Variants in FRAS1 observed in about 807,000 individuals in gnomAD.
The protein encoded by FRAS1 is extracellular matrix organizing protein FRAS1.
A neutral mutation model predicts 435.2 loss-of-function variants in FRAS1; 290 were observed. That is an observed-to-expected ratio of 0.67 (90% confidence interval 0.61 to 0.73). The LOEUF is 0.73. FRAS1 is among the 30% of genes least tolerant of loss of function. The pLI, the probability that FRAS1 is intolerant of heterozygous loss-of-function variation, is 0.00. For missense variants in FRAS1, 4,860 were observed against 5,001.5 expected (o/e 0.97, Z 0.85); for synonymous variants, 1,800 against 1,851.0 (o/e 0.97, Z 0.71).
At chr4:78,372,674 G>A (rs777763479) in intron 23 of FRAS1, 44 bp from the exon 24 acceptor site, 2 of 1,608,066 alleles carry the variant, frequency 1.2e-6, no homozygotes, top group Non-Finnish European at 1.7e-6. Flanking sequence ...TGGGTCTGAG[G>A]GTGGACAGAA....
intron 4 of FRAS1, among the ~76,000 whole-genome samples, chr4:78,247,352 T>C (rs570625115): frequency 2.0e-5 from 3 of 152,308 alleles, no homozygotes; most frequent in East Asian, 1.9e-4. Flanking sequence ...TGGTATTTGA[T>C]GTAACTGAGC....
In FRAS1 at chr4:78,245,253, T is replaced by G. The variant is rs370345916; in HGVS notation, c.237T>G (p.Ala79=). The G allele has an allele frequency of 5.0e-6, 8 of 1,607,890 alleles. No homozygotes were observed. The highest frequency in any genetic ancestry group is 1.3e-5 in the African/African-American group (1 of 74,836). The part of the protein sequence containing the change: ...AFEKGEVLQI[A]ANQCCPECVL... ...CTCAGGGAGAAGTGCTTCAAATAGC[T>G]GCCAACCAATGCTGTCCTGAGTGTG... The change falls in exon 4 of 74, where the codon GCT becomes GCG. Residue 79 remains alanine, a synonymous_variant. Coordinates refer to ENST00000512123, the MANE Select transcript of FRAS1 (RefSeq NM_025074.7).
In FRAS1 at chr4:78,396,610, C is replaced by T. The variant is rs188825447; in HGVS notation, c.3976-4124C>T. On this transcript the variant is annotated intron_variant, in intron 29 of 73. Coordinates refer to ENST00000512123, the MANE Select transcript of FRAS1 (RefSeq NM_025074.7). ...GAGCAATCCACTGATAGCTTTTTGC[C>T]CTTTGCTCTTTCTCTGCTTCATTTG... is the stretch of plus-strand genomic sequence containing the variant. Among the ~76,000 whole-genome samples, 489 of 152,176 alleles carry T rather than the reference C, an allele frequency of 3.2e-3. 4 individuals are homozygous for T. The highest frequency in any genetic ancestry group is 3.6e-3 in the Non-Finnish European group (243 of 67,992).
intron 8 of FRAS1, 29 bp downstream of exon 8, chr4:78,266,964 T>C (rs761157076): frequency 6.8e-7 from 1 of 1,473,612 alleles, no homozygotes; most frequent in African/African-American, 1.4e-5. Flanking sequence ...CTTACTTGTT[T>C]AAGCTCTTTT....
intron 29 of FRAS1, 39 bp from the exon 30 acceptor site, chr4:78,400,695 T>G: frequency 6.3e-7 from 1 of 1,594,412 alleles, no homozygotes; most frequent in South Asian, 1.1e-5. Flanking sequence ...ATATTCTTAC[T>G]TTGCTTGGAA....
At chr4:78,529,289 C>A (rs901783848) in intron 70 of FRAS1, among the ~76,000 whole-genome samples, 5 of 152,084 alleles carry the variant, frequency 3.3e-5, no homozygotes, top group African/African-American at 1.2e-4. Flanking sequence ...GGAAAATAAT[C>A]TGATGGGATA....
chr4:78,450,865 T>C (rs1718997208), intron 45 of FRAS1, among the ~76,000 whole-genome samples: 1 of 152,184 alleles, frequency 6.6e-6, no homozygotes, highest in South Asian at 2.1e-4. Flanking sequence ...ACGTAGTTAC[T>C]GTACAGTGCT....
At chr4:78,439,566 C>T (rs1384250166) in intron 40 of FRAS1, among the ~76,000 whole-genome samples, 6 of 152,092 alleles carry the variant, frequency 3.9e-5, no homozygotes, top group African/African-American at 1.2e-4. Context: ...GACCTTGGGC[C>T]GTACACTTAA....
intron 20 of FRAS1, among the ~76,000 whole-genome samples, chr4:78,342,746 G>A (rs1296942112): frequency 2.0e-5 from 3 of 152,180 alleles, no homozygotes; most frequent in Non-Finnish European, 2.9e-5. Context: ...AATGCTTTGA[G>A]TTTTGTGGAC....
At chr4:78,240,303 A>C (rs1358416431) in intron 3 of FRAS1, among the ~76,000 whole-genome samples, 1 of 152,242 alleles carries the variant, frequency 6.6e-6, no homozygotes, top group Non-Finnish European at 1.5e-5. Context: ...AGAGGCTGAG[A>C]GAATCACCCA....
In FRAS1 at chr4:78,534,604, C is replaced by A. The variant is rs1006648573; in HGVS notation, c.11081C>A (p.Ala3694Asp). The change falls in exon 71 of 74, where the codon GCC becomes GAC. Residue 3694 changes from alanine (A) to aspartate (D), a missense_variant. By Grantham distance (126) the Ala-to-Asp change is moderately radical. Transcript: ENST00000512123. ...MSLAEMDYKG[A>D]FSKGQILYGR... ...CTAGCAGAAATGGATTACAAAGGAG[C>A]CTTTTCAAAAGGTGAGTTGCTTCCT... The A allele has an allele frequency of 8.1e-6, 13 of 1,612,656 alleles. No homozygotes were observed. The highest frequency in any genetic ancestry group is 2.2e-5 in the East Asian group (1 of 44,810).
chr4:78,453,534 C>G (rs1719089490), intron 47 of FRAS1, among the ~76,000 whole-genome samples: 1 of 152,180 alleles, frequency 6.6e-6, no homozygotes, highest in Non-Finnish European at 1.5e-5. Context: ...TGCAGTGGCT[C>G]ACACCTGTAA....
At position 78,496,842 on chromosome 4, in the gene FRAS1, T is replaced by C. The variant is rs765720723; in HGVS notation, c.8996T>C (p.Met2999Thr). 3 of 1,613,834 alleles carry C rather than the reference T, an allele frequency of 1.9e-6. No homozygotes were observed. The South Asian group carries it at 3.3e-5, about 18-fold the overall frequency. The change falls in exon 60 of 74, where the codon ATG becomes ACG. Residue 2999 changes from methionine (M) to threonine (T), a missense_variant. Transcript: ENST00000512123. ...NCTVYIHDDSMFEPEEQFRVY... is the reference protein window; with the variant it reads ...NCTVYIHDDSTFEPEEQFRVY... ...ACGGTCTATATCCACGATGACTCCA[T>C]GTTTGAGCCAGAGGAACAGTTCAGG...
At chr4:78,529,605 C>A (rs549694897) in intron 70 of FRAS1, among the ~76,000 whole-genome samples, 3 of 152,244 alleles carry the variant, frequency 2.0e-5, no homozygotes, top group Non-Finnish European at 4.4e-5. Flanking sequence ...AGTAGTCCCC[C>A]CTTATCCTTG....
intron 2 of FRAS1, among the ~76,000 whole-genome samples, chr4:78,237,104 GA>G (rs1724794314): frequency 6.6e-6 from 1 of 152,102 alleles, no homozygotes; most frequent in African/African-American, 2.4e-5. Context: ...ATCTAGTGGC[GA>G]ATACTGCTTT....
At chr4:78,339,719 T>C (rs1730329364) in intron 20 of FRAS1, among the ~76,000 whole-genome samples, 8 of 152,172 alleles carry the variant, frequency 5.3e-5, no homozygotes, top group Admixed American at 5.2e-4. Flanking sequence ...GTTAAAATGG[T>C]TGGGAAATTT....
intron 2 of FRAS1, among the ~76,000 whole-genome samples, chr4:78,141,659 T>C (rs573854994): frequency 2.6e-5 from 4 of 152,208 alleles, no homozygotes. Context: ...GGCTAGGTAT[T>C]ATTCAAAAAA....
intron 2 of FRAS1, among the ~76,000 whole-genome samples, chr4:78,183,505 T>G (rs1722129111): frequency 6.6e-6 from 1 of 152,046 alleles, no homozygotes; most frequent in Non-Finnish European, 1.5e-5. Context: ...GTCCAGAAAA[T>G]GTATTGTATT....
At chr4:78,251,248 G>A (rs956181473) in intron 4 of FRAS1, among the ~76,000 whole-genome samples, 2 of 152,186 alleles carry the variant, frequency 1.3e-5, no homozygotes, top group Non-Finnish European at 2.9e-5. Context: ...AAGTAAGAAT[G>A]GATGGGAGAG....
Sources: gnomAD v4.1 joint callset for allele counts (sites outside exome capture counted in the v4.1 genomes callset) on GRCh38, gnomAD v4.1.1 for gene constraint, MANE v1.5 for transcripts, NCBI Gene and HGNC (gene_info 2026-07-23, HGNC 2026-07-21) for gene names.